IPO8: variants seen among roughly 807,000 people sequenced by gnomAD.
IPO8 encodes importin 8.
A neutral mutation model predicts 141.2 loss-of-function variants in IPO8; 65 were observed. That is an observed-to-expected ratio of 0.46 (90% CI 0.38 to 0.57). The LOEUF is 0.57. IPO8 is among the 20% of genes least tolerant of loss of function. The pLI is 0.00. For synonymous variants in IPO8, 411 were observed against 420.3 expected, an observed-to-expected ratio of 0.98 and a Z score of 0.27; for missense variants, 980 against 1,246.8, an observed-to-expected ratio of 0.79 and a Z score of 3.22.
At position 30,673,977 on chromosome 12, in the gene IPO8, A is replaced by AT. The variant is rs748630733; in HGVS notation, c.909+12dup. The AT allele has an allele frequency of 9.9e-6, 15 of 1,508,776 alleles. No homozygotes were observed. In the South Asian group the frequency reaches 1.9e-4, roughly 19 times the overall value. 93.5% of individuals were successfully genotyped at this position (1,508,776 alleles called of 1,614,324 possible). A position where few individuals can be genotyped will look rare whatever the true frequency, so the allele number is the denominator to read the frequency against. On this transcript the variant is annotated intron_variant, in intron 8 of 24. Coordinates refer to ENST00000256079, the MANE Select transcript of IPO8 (RefSeq NM_006390.4). Reference sequence around the variant, plus strand: ...GTAACCATTATTCTATTTTAAAAGCATAAGTTTATTACCTGCTGAATGCCC... The same window carrying AT: ...GTAACCATTATTCTATTTTAAAAGCATTAAGTTTATTACCTGCTGAATGCCC...
chr12:30,675,283 C>G (rs2053104635), intron 6 of IPO8, among the ~76,000 whole-genome samples: 1 of 152,024 alleles, frequency 6.6e-6, no homozygotes, highest in Non-Finnish European at 1.5e-5. Flanking sequence ...ACATCTTTTC[C>G]CTATCAAATG....
At chr12:30,658,246 T>C (rs79075961) in intron 16 of IPO8, among the ~76,000 whole-genome samples, 2,041 of 152,340 alleles carry the variant, frequency 0.013, 11 homozygotes, top group Non-Finnish European at 0.022. Context: ...CACAATTTTG[T>C]GTTTCATACA....
intron 20 of IPO8, among the ~76,000 whole-genome samples, chr12:30,645,531 A>G (rs1003867179): frequency 1.3e-5 from 2 of 152,170 alleles, no homozygotes; most frequent in African/African-American, 2.4e-5. Context: ...AATAAGGATT[A>G]GAGTGGAAAC....
At chr12:30,668,938 A>G (rs980389883) in intron 10 of IPO8, among the ~76,000 whole-genome samples, 2 of 152,192 alleles carry the variant, frequency 1.3e-5, no homozygotes, top group East Asian at 3.9e-4. Context: ...AGCATAAGTA[A>G]CAGATGGCTC....
chr12:30,635,229 G>T (rs1305288048), intron 22 of IPO8, among the ~76,000 whole-genome samples: 1 of 143,358 alleles, frequency 7.0e-6, no homozygotes, highest in Non-Finnish European at 1.5e-5. Context: ...TTTTTGTTTT[G>T]TTTTGTTTTG....
At chr12:30,651,920 T>C (rs1357467806) in intron 19 of IPO8, among the ~76,000 whole-genome samples, 1 of 152,118 alleles carries the variant, frequency 6.6e-6, no homozygotes, top group African/African-American at 2.4e-5. Context: ...TTAATTTTCC[T>C]AGCACTTCAA....
chr12:30,694,355 T>C (rs1470386394), intron 1 of IPO8, among the ~76,000 whole-genome samples: 1 of 152,220 alleles, frequency 6.6e-6, no homozygotes, highest in African/African-American at 2.4e-5. Flanking sequence ...CTCCTCTCCA[T>C]TGGCAGTGTC....
chr12:30,653,436 T>C (rs2052755463), intron 17 of IPO8, among the ~76,000 whole-genome samples: 1 of 152,076 alleles, frequency 6.6e-6, no homozygotes, highest in Non-Finnish European at 1.5e-5. Flanking sequence ...ATTCCTCATT[T>C]ATGTCGAGGA....
chr12:30,672,575 G>A (rs927893292), intron 8 of IPO8, among the ~76,000 whole-genome samples: 17 of 152,178 alleles, frequency 1.1e-4, no homozygotes, highest in Admixed American at 3.9e-4. Flanking sequence ...ATTTTTATAT[G>A]TGTATACATG....
intron 6 of IPO8, 55 bp from the exon 7 acceptor site, chr12:30,674,808 G>A: frequency 9.1e-7 from 1 of 1,101,910 alleles, no homozygotes; most frequent in Non-Finnish European, 1.4e-6. Flanking sequence ...GGATTTATGT[G>A]AATAACAAAG....
At position 30,632,095 on chromosome 12, in the gene IPO8, G is replaced by T. The variant is rs945497773; in HGVS notation, c.2900-84C>A. 1.2e-5 allele frequency: 10 copies of T among 859,360 alleles called. No individual in the cohort carries two copies. The South Asian group carries it at 1.2e-4, about 11-fold the overall frequency. 53.2% of individuals were successfully genotyped at this position (859,360 alleles called of 1,614,324 possible). A position where few individuals can be genotyped will look rare whatever the true frequency, so the allele number is the denominator to read the frequency against. On this transcript the variant is annotated intron_variant, in intron 23 of 24. Coordinates refer to ENST00000256079, the MANE Select transcript of IPO8 (RefSeq NM_006390.4). ...AGTAGTAACATGATCAAATTACAAA[G>T]AAATTATCCCAGACAGTAAGAGACA...
chr12:30,694,874 C>T, intron 1 of IPO8: 1 of 400,704 alleles, frequency 2.5e-6, no homozygotes, highest in Non-Finnish European at 5.1e-6. Context: ...GTGGGGGTAA[C>T]GCTGGAAAGA....
intron 2 of IPO8, among the ~76,000 whole-genome samples, chr12:30,688,068 C>A (rs558817169): frequency 6.6e-6 from 1 of 152,080 alleles, no homozygotes; most frequent in East Asian, 1.9e-4. Flanking sequence ...CATTTCTGAG[C>A]CTAAATTTAC....
Position 30,662,480 on chromosome 12 carries a change from T to C in IPO8, c.1602A>G (p.Glu534=), listed in dbSNP as rs148484892. 110 of 1,609,080 alleles carry C rather than the reference T, an allele frequency of 6.8e-5. No individual in the cohort carries two copies. The African/African-American group carries it at 1.4e-3, about 20-fold the overall frequency. ...SLISNQIQAK[E]YMKPHVRPIM... Reference sequence around the variant, plus strand: ...TAGGCCTCACATGTGGCTTCATATATTCCTTAGCTAATTCAATAAAACAAA... The same window carrying C: ...TAGGCCTCACATGTGGCTTCATATACTCCTTAGCTAATTCAATAAAACAAA... Residue 534 remains glutamate, a synonymous_variant, in exon 15 of 25, where the codon GAA becomes GAG. Transcript: ENST00000256079.
intron 24 of IPO8, 39 bp downstream of exon 24, chr12:30,631,856 T>C: frequency 2.2e-6 from 3 of 1,387,158 alleles, no homozygotes; most frequent in East Asian, 4.6e-5. Flanking sequence ...GTTGGCACTC[T>C]GACACATGCA....
chr12:30,658,088 C>T (rs2052826980), intron 16 of IPO8, among the ~76,000 whole-genome samples: 2 of 152,086 alleles, frequency 1.3e-5, no homozygotes, highest in African/African-American at 4.8e-5. Context: ...TGTAAATGTC[C>T]TATTTCAACC....
chr12:30,655,161 G>A (rs1735863265), intron 17 of IPO8, among the ~76,000 whole-genome samples: 1 of 152,030 alleles, frequency 6.6e-6, no homozygotes, highest in Non-Finnish European at 1.5e-5. Context: ...ACTCTGCATT[G>A]TTCATTCTAA....
intron 20 of IPO8, among the ~76,000 whole-genome samples, chr12:30,646,683 C>T (rs2052651570): frequency 1.3e-5 from 2 of 152,064 alleles, no homozygotes; most frequent in African/African-American, 4.8e-5. Context: ...TATTTCTATA[C>T]ACTGGCAACA....
intron 23 of IPO8, among the ~76,000 whole-genome samples, chr12:30,633,671 G>T (rs914888293): frequency 6.6e-6 from 1 of 152,120 alleles, no homozygotes; most frequent in Non-Finnish European, 1.5e-5. Flanking sequence ...ACCCTCTTAC[G>T]GCAGCAATTT....
Sources: gnomAD v4.1 joint callset for allele counts (sites outside exome capture counted in the v4.1 genomes callset) on GRCh38, gnomAD v4.1.1 for gene constraint, MANE v1.5 for transcripts, NCBI Gene and HGNC (gene_info 2026-07-23, HGNC 2026-07-21) for gene names.